The following CNTD1 variants were observed in gnomAD, a reference collection of about 807,000 sequenced individuals.
CNTD1 encodes cyclin N-terminal domain-containing protein 1.
CNTD1 carries 17 observed loss-of-function variants against 36.3 expected under a neutral mutation model. That is an observed-to-expected ratio of 0.47 (90% CI 0.32 to 0.70). The LOEUF is 0.70. Among genes scored for constraint, CNTD1 ranks in the 30% least tolerant of loss-of-function variants. CNTD1 has a pLI of 0.03. For missense variants in CNTD1, 338 were observed against 386.1 expected, an observed-to-expected ratio of 0.88 and a Z score of 1.04; for synonymous variants, 128 against 153.3, an observed-to-expected ratio of 0.83 and a Z score of 1.22.
chr17:42,801,510 A>AAAATATATATATATATATAT (rs1289580717), intron 1 of CNTD1, among the ~76,000 whole-genome samples: 1 of 54,356 alleles, frequency 1.8e-5, no homozygotes, highest in Non-Finnish European at 3.0e-5. Flanking sequence ...AAAAAAAAAA[A>AAAATATATATATATATATAT]ATATATATAT....
rs891840089 is a variant in CNTD1 at position 42,808,042 on chromosome 17, T to C, written c.822+178T>C. On this transcript the variant is annotated intron_variant, in intron 6 of 6. Transcript: ENST00000588408. ...ATAGGGCTGAAATGTTTCCTTGTTTTCCTTTTATAAAACTGGAAATGGAGG... is the reference window on the plus strand; with the variant it reads ...ATAGGGCTGAAATGTTTCCTTGTTTCCCTTTTATAAAACTGGAAATGGAGG... The C allele has an allele frequency of 5.6e-6, 3 of 535,268 alleles. No homozygotes were observed. In the African/African-American group the frequency reaches 5.8e-5, roughly 10 times the overall value. The allele number at this position is 535,268 out of a possible 1,614,324, so 33.2% of individuals were successfully genotyped here. A position where few individuals can be genotyped will look rare whatever the true frequency, so the allele number is the denominator to read the frequency against.
intron 3 of CNTD1, 21 bp from the exon 4 acceptor site, chr17:42,805,701 C>A (rs1398110989): frequency 1.2e-6 from 2 of 1,601,568 alleles, no homozygotes; most frequent in Non-Finnish European, 1.7e-6. Flanking sequence ...ATTCTTCTTT[C>A]CCTCTCTTTT....
rs760061737 is a variant in CNTD1, at chr17:42,809,571, G to A, written c.*36G>A. 16 of 1,583,842 alleles carry A rather than the reference G, an allele frequency of 1.0e-5. No homozygotes were observed. Among genetic ancestry groups the A allele is most frequent in the African/African-American group, 2.7e-5 (2 of 74,406 alleles). On this transcript the variant is annotated 3_prime_UTR_variant, in exon 7 of 7. Transcript: ENST00000588408. ...ATCCACCAAATATAAACAGCCATCC[G>A]TCACTGCACTCATGCCTCCCTCTGT...
In CNTD1 at chr17:42,811,057, T is replaced by C. The variant is rs1488131787; in HGVS notation, c.*1522T>C. 1 of 1,040,134 alleles carries C rather than the reference T, an allele frequency of 9.6e-7. No individual in the cohort carries two copies. The highest frequency in any genetic ancestry group is 1.3e-6 in the Non-Finnish European group (1 of 755,944). 64.4% of individuals were successfully genotyped at this position (1,040,134 alleles called of 1,614,324 possible). On this transcript the variant is annotated 3_prime_UTR_variant, in exon 7 of 7. Coordinates refer to ENST00000588408, the MANE Select transcript of CNTD1 (RefSeq NM_173478.3). ...AAGAACACTTGGTGAGGAATGATAGTGTATTTTGGATTTGCTTGAAAGCCA... is the reference window on the plus strand; with the variant it reads ...AAGAACACTTGGTGAGGAATGATAGCGTATTTTGGATTTGCTTGAAAGCCA...
Position 42,810,469 on chromosome 17 carries a change from TAAAAAAA to T in CNTD1, c.*936_*942del, listed in dbSNP as rs1042066751. ...CACATCAATCTCAATTCAACTCAGT[TAAAAAAA>T]AGAAAAGCAAATTTAAATTAGTTTT... On this transcript the variant is annotated 3_prime_UTR_variant, in exon 7 of 7. Coordinates refer to ENST00000588408, the MANE Select transcript of CNTD1 (RefSeq NM_173478.3). The T allele has an allele frequency of 4.8e-6, 1 of 207,486 alleles. No homozygotes were observed. The highest frequency in any genetic ancestry group is 2.3e-5 in the African/African-American group (1 of 43,352). 12.9% of individuals were successfully genotyped at this position (207,486 alleles called of 1,614,324 possible). A position where few individuals can be genotyped will look rare whatever the true frequency, so the allele number is the denominator to read the frequency against.
At chr17:42,807,706 C>G (rs1567663566) in intron 5 of CNTD1, 62 bp from the exon 6 acceptor site, 1 of 1,181,718 alleles carries the variant, frequency 8.5e-7, no homozygotes, top group South Asian at 1.2e-5. Context: ...TTCCATGACC[C>G]TATGATTTGG....
intron 1 of CNTD1, among the ~76,000 whole-genome samples, chr17:42,802,029 G>T (rs2054804054): frequency 6.6e-6 from 1 of 152,140 alleles, no homozygotes; most frequent in Non-Finnish European, 1.5e-5. Context: ...ATTTCAGCAA[G>T]TTAGGAAAGG....
intron 6 of CNTD1, among the ~76,000 whole-genome samples, chr17:42,809,104 T>C (rs942725505): frequency 2.0e-5 from 3 of 152,186 alleles, no homozygotes; most frequent in African/African-American, 7.2e-5. Flanking sequence ...ATAATGAAAA[T>C]GTCAAGGCCC....
chr17:42,804,388 C>T lies in CNTD1; in HGVS notation c.409C>T (p.Arg137Ter), dbSNP rs765882276. The change falls in exon 3 of 7, where the codon CGA becomes TGA. Residue 137 changes from arginine to a stop codon, truncating the protein, a stop_gained. Coordinates refer to ENST00000588408, the MANE Select transcript of CNTD1 (RefSeq NM_173478.3). LOFTEE classifies it high-confidence loss of function. ...TCAGCTGGCCAGCAAACTTTCCTTCCGAAACAAAGTAAGGAGCTGGGGTTG... is the reference window on the plus strand; with the variant it reads ...TCAGCTGGCCAGCAAACTTTCCTTCTGAAACAAAGTAAGGAGCTGGGGTTG... ...CVQLASKLSFRNKIISNITVL... is the reference protein window; with the variant it reads ...CVQLASKLSF 9.3e-6 allele frequency: 15 copies of T among 1,613,514 alleles called. No homozygotes were observed. Among genetic ancestry groups the T allele is most frequent in the South Asian group, 2.2e-5 (2 of 91,036 alleles).
At chr17:42,803,364 C>T (rs1425202718) in intron 1 of CNTD1, among the ~76,000 whole-genome samples, 1 of 152,226 alleles carries the variant, frequency 6.6e-6, no homozygotes, top group Non-Finnish European at 1.5e-5. Flanking sequence ...CTGAAACCCA[C>T]AGGAAGGCTC....
intron 3 of CNTD1, among the ~76,000 whole-genome samples, chr17:42,805,149 G>T (rs1029038646): frequency 6.6e-6 from 1 of 152,104 alleles, no homozygotes; most frequent in Admixed American, 6.5e-5. Flanking sequence ...GGAAAAAAAT[G>T]TTTCCACATC....
At chr17:42,802,628 G>A (rs1311862435) in intron 1 of CNTD1, among the ~76,000 whole-genome samples, 1 of 152,128 alleles carries the variant, frequency 6.6e-6, no homozygotes, top group Non-Finnish European at 1.5e-5. Context: ...GTAACGATGA[G>A]GTTTTGTACA....
chr17:42,806,603 G>T, intron 4 of CNTD1, 71 bp from the exon 5 acceptor site: 1 of 1,494,280 alleles, frequency 6.7e-7, no homozygotes. Context: ...ACAGCTTTAT[G>T]TCACAACTGT....
chr17:42,801,546 T>TAA (rs1862217867), intron 1 of CNTD1, among the ~76,000 whole-genome samples: 2 of 41,888 alleles, frequency 4.8e-5, no homozygotes, highest in Non-Finnish European at 4.5e-5. Context: ...TATATATATA[T>TAA]AATATATGTG....
At position 42,809,803 on chromosome 17, in the gene CNTD1, C is replaced by T. The variant is rs1393205495; in HGVS notation, c.*268C>T. On this transcript the variant is annotated 3_prime_UTR_variant, in exon 7 of 7. Transcript: ENST00000588408. ...TTTAACAAGGTATTTATACTTTTAGCTTAATTTCATTAAGAGGAACATCAG... is the reference window on the plus strand; with the variant it reads ...TTTAACAAGGTATTTATACTTTTAGTTTAATTTCATTAAGAGGAACATCAG... 3.0e-6 allele frequency: 1 copy of T among 328,518 alleles called. No individual in the cohort carries two copies. The highest frequency in any genetic ancestry group is 5.6e-6 in the Non-Finnish European group (1 of 177,876). The allele number at this position is 328,518 out of a possible 1,614,324, so 20.4% of individuals were successfully genotyped here. A position where few individuals can be genotyped will look rare whatever the true frequency, so the allele number is the denominator to read the frequency against.
At chr17:42,808,868 T>C (rs58947786) in intron 6 of CNTD1, among the ~76,000 whole-genome samples, 1,916 of 152,248 alleles carry the variant, frequency 0.013, 40 homozygotes, top group African/African-American at 0.044. Context: ...GGCAACACAG[T>C]GAGACCTCAT....
intron 1 of CNTD1, among the ~76,000 whole-genome samples, chr17:42,802,759 A>G (rs2054816853): frequency 2.6e-5 from 4 of 152,244 alleles, no homozygotes; most frequent in African/African-American, 9.6e-5. Context: ...GTAATTCTCT[A>G]CGGATCAATG....
chr17:42,799,410 T>G (rs993529937), intron 1 of CNTD1, among the ~76,000 whole-genome samples, 174 bp downstream of exon 1: 2 of 152,140 alleles, frequency 1.3e-5, no homozygotes, highest in African/African-American at 4.8e-5. Context: ...CTCCCCTTGA[T>G]TTCTTCGACA....
chr17:42,807,239 C>A lies in CNTD1; in HGVS notation c.725+421C>A, dbSNP rs1441535567. On this transcript the variant is annotated intron_variant, in intron 5 of 6. Coordinates refer to ENST00000588408, the MANE Select transcript of CNTD1 (RefSeq NM_173478.3). ...GACCATCCTGGCTAACAGCGTGAAA[C>A]CACGTTTCCACTAAAAATACAAAAA... Among the ~76,000 whole-genome samples, 3 of 151,982 alleles carry A rather than the reference C, an allele frequency of 2.0e-5. No individual in the cohort carries two copies. In the East Asian group the frequency reaches 5.8e-4, roughly 29 times the overall value.
Sources: allele counts gnomAD v4.1 joint callset (sites outside exome capture counted in the v4.1 genomes callset), GRCh38; gene constraint gnomAD v4.1.1; transcripts MANE v1.5; gene names NCBI Gene and HGNC (gene_info 2026-07-23, HGNC 2026-07-21).